Variants in DNAH14 observed in about 807,000 individuals in gnomAD.
DNAH14 encodes the protein axonemal beta dynein heavy chain 14.
Under a neutral mutation model 520.9 loss-of-function variants are expected in DNAH14, and 478 were observed. The observed-to-expected ratio is 0.92, with a 90% CI of 0.85 to 0.99. DNAH14 has a LOEUF of 0.99. DNAH14 is among the 50% of genes least tolerant of loss of function. DNAH14 has a pLI of 0.00. For synonymous variants in DNAH14, 1,581 were observed against 1,757.2 expected (o/e 0.90, Z 2.51); for missense variants, 4,831 against 5,234.5 (o/e 0.92, Z 2.38).
At chr1:225,089,471 C>A (rs3120987) in intron 21 of DNAH14, among the ~76,000 whole-genome samples, 27,504 of 116,122 alleles carry the variant, frequency 0.24, 5,256 homozygotes, top group African/African-American at 0.56. Flanking sequence ...AAAAAGAGAG[C>A]GAGAGAAAGA....
chr1:225,244,865 C>T (rs1046424229), intron 43 of DNAH14, among the ~76,000 whole-genome samples: 3 of 151,990 alleles, frequency 2.0e-5, no homozygotes, highest in Non-Finnish European at 2.9e-5. Flanking sequence ...CTGCTCTGAT[C>T]TTAGTTATTT....
At position 224,976,552 on chromosome 1, in the gene DNAH14, C is replaced by T. The variant is rs1294632224; in HGVS notation, c.830+2399C>T. Among the ~76,000 whole-genome samples, 3 of 152,162 alleles carry T rather than the reference C, an allele frequency of 2.0e-5. No individual in the cohort carries two copies. The South Asian group carries it at 6.2e-4, about 32-fold the overall frequency. ...AACTACCATCAAAGTGAACAGGCAA[C>T]CTACAAAATGGGAGAAAATTTTCGC... On this transcript the variant is annotated intron_variant, in intron 8 of 85. Coordinates refer to ENST00000682510, the MANE Select transcript of DNAH14 (RefSeq NM_001367479.1).
At position 225,082,750 on chromosome 1, in the gene DNAH14, ATGGTTTTTT is replaced by A. The variant is rs1349837130; in HGVS notation, c.3327+12_3327+20del. ...CTTCTAGCTCTCAAGGTAAATAAAA[ATGGTTTTTT>A]AAAAAAATAGGTTGAAATACCAGAT... On this transcript the variant is annotated intron_variant, in intron 20 of 85. Coordinates refer to ENST00000682510, the MANE Select transcript of DNAH14 (RefSeq NM_001367479.1). 3 of 1,533,008 alleles carry A rather than the reference ATGGTTTTTT, an allele frequency of 2.0e-6. No individual in the cohort carries two copies. The highest frequency in any genetic ancestry group is 4.5e-5 in the Admixed American group (2 of 44,758). 95.0% of individuals were successfully genotyped at this position (1,533,008 alleles called of 1,614,324 possible). A position where few individuals can be genotyped will look rare whatever the true frequency, so the allele number is the denominator to read the frequency against.
intron 23 of DNAH14, among the ~76,000 whole-genome samples, chr1:225,114,896 TTAAG>T (rs2076755372): frequency 1.3e-5 from 2 of 152,200 alleles, no homozygotes; most frequent in Admixed American, 6.5e-5. Flanking sequence ...TCCTACTCTC[TTAAG>T]TGTCTCTTTC....
chr1:225,096,133 T>TTTGTTGTTGTTGTTG (rs59833560), intron 21 of DNAH14, among the ~76,000 whole-genome samples: 2 of 150,602 alleles, frequency 1.3e-5, no homozygotes, highest in Admixed American at 1.3e-4. Flanking sequence ...GCCTGACTAA[T>TTTGTTGTTGTTGTTG]TTGTTGTTGT....
chr1:225,195,365 G>A (rs1339209492), intron 38 of DNAH14, among the ~76,000 whole-genome samples: 1 of 151,982 alleles, frequency 6.6e-6, no homozygotes, highest in Non-Finnish European at 1.5e-5. Flanking sequence ...CAATATGGAT[G>A]GAGCCGGAGG....
intron 41 of DNAH14, among the ~76,000 whole-genome samples, chr1:225,217,535 T>G (rs56332582): frequency 0.15 from 23,390 of 152,124 alleles, 2,093 homozygotes; most frequent in East Asian, 0.36. Flanking sequence ...CTCCTTGAGC[T>G]GCGGTGGGCT....
chr1:225,080,258 C>A, intron 18 of DNAH14, 121 bp from the exon 19 acceptor site: 1 of 993,044 alleles, frequency 1.0e-6, no homozygotes. Flanking sequence ...ATGATAGTTC[C>A]AGTTTCACTC....
chr1:225,239,329 G>T (rs555001319), intron 42 of DNAH14, among the ~76,000 whole-genome samples: 1 of 152,116 alleles, frequency 6.6e-6, no homozygotes, highest in East Asian at 1.9e-4. Flanking sequence ...GGCTCACGGG[G>T]GATCTCCTGA....
intron 36 of DNAH14, among the ~76,000 whole-genome samples, chr1:225,174,475 T>C (rs561676193): frequency 1.3e-4 from 20 of 152,318 alleles, no homozygotes; most frequent in South Asian, 1.0e-3. Flanking sequence ...TCTCAGTCAG[T>C]GTTGCTACTG....
intron 36 of DNAH14, among the ~76,000 whole-genome samples, chr1:225,172,997 A>C (rs537164954): frequency 6.6e-6 from 1 of 152,332 alleles, no homozygotes; most frequent in African/African-American, 2.4e-5. Flanking sequence ...TGACAAAAAC[A>C]AGAAATGGGG....
At chr1:225,308,222 T>C in intron 59 of DNAH14, 63 bp from the exon 60 acceptor site, 1 of 1,466,376 alleles carries the variant, frequency 6.8e-7, no homozygotes, top group Non-Finnish European at 9.1e-7. Flanking sequence ...TTTGAATTGC[T>C]CTTTTAGAAA....
intron 54 of DNAH14, 114 bp from the exon 55 acceptor site, chr1:225,289,771 T>C (rs2093824322): frequency 4.7e-6 from 3 of 644,474 alleles, no homozygotes; most frequent in Non-Finnish European, 6.9e-6. Flanking sequence ...TAAATAAAAA[T>C]AGTCTGGGGT....
chr1:224,949,749 A>G (rs953816520), intron 1 of DNAH14, among the ~76,000 whole-genome samples: 2 of 152,132 alleles, frequency 1.3e-5, no homozygotes, highest in African/African-American at 4.8e-5. Flanking sequence ...ATGCATTATT[A>G]TATTTCTTCA....
At chr1:225,289,533 A>C (rs2093818590) in intron 54 of DNAH14, among the ~76,000 whole-genome samples, 1 of 152,150 alleles carries the variant, frequency 6.6e-6, no homozygotes, top group Non-Finnish European at 1.5e-5. Flanking sequence ...TAAAAAGGAA[A>C]AGATCTATCT....
chr1:225,291,479 C>T (rs940130511), intron 55 of DNAH14, among the ~76,000 whole-genome samples: 2 of 152,012 alleles, frequency 1.3e-5, no homozygotes, highest in African/African-American at 4.8e-5. Context: ...TGCAGTGGTG[C>T]AATCATGGCT....
chr1:225,351,671 A>G lies in DNAH14; in HGVS notation c.11321A>G (p.Gln3774Arg), dbSNP rs1417314720. The change falls in exon 72 of 86, where the codon CAA becomes CGA. Residue 3774 changes from glutamine (Q) to arginine (R), a missense_variant. By Grantham distance (43) the Gln-to-Arg change is conservative (BLOSUM62 1). Coordinates refer to ENST00000682510, the MANE Select transcript of DNAH14 (RefSeq NM_001367479.1). Reference protein sequence around the residue: ...LTSTFEIGESQHLQWLSDSRW... With the variant: ...LTSTFEIGESRHLQWLSDSRW... Reference sequence around the variant, plus strand: ...GGCACATTTGAAATAGGTGAAAGTCAACATCTTCAGTGGCTGTCAGATTCC... The same window carrying G: ...GGCACATTTGAAATAGGTGAAAGTCGACATCTTCAGTGGCTGTCAGATTCC... The G allele has an allele frequency of 4.5e-6, 7 of 1,548,558 alleles. No homozygotes were observed. In the Admixed American group the frequency reaches 1.2e-4, roughly 26 times the overall value.
chr1:225,131,011 A>C (rs1049456982), intron 27 of DNAH14, among the ~76,000 whole-genome samples: 1 of 152,166 alleles, frequency 6.6e-6, no homozygotes, highest in Non-Finnish European at 1.5e-5. Context: ...TTTGAAATGC[A>C]TAAGATGGGT....
chr1:225,013,892 C>T (rs1361348351), intron 10 of DNAH14, among the ~76,000 whole-genome samples: 1 of 152,116 alleles, frequency 6.6e-6, no homozygotes, highest in East Asian at 1.9e-4. Context: ...TTGCTGGGCT[C>T]CTTGGGGGTG....
Sources: allele counts gnomAD v4.1 joint callset (sites outside exome capture counted in the v4.1 genomes callset), GRCh38; gene constraint gnomAD v4.1.1; transcripts MANE v1.5; gene names NCBI Gene and HGNC (gene_info 2026-07-23, HGNC 2026-07-21).